THSD7B: variants seen among roughly 807,000 people sequenced by gnomAD.
THSD7B encodes the protein thrombospondin type 1 domain containing 7B.
In THSD7B, 138 loss-of-function variants were observed where a neutral mutation model predicts 213.6. That is an observed-to-expected ratio of 0.65 (90% confidence interval 0.56 to 0.74). The LOEUF (loss-of-function observed/expected upper bound fraction) is 0.74. Among genes scored for constraint, THSD7B ranks in the 30% least tolerant of loss-of-function variants. The pLI is 0.00. For synonymous variants in THSD7B, 742 were observed against 687.0 expected (o/e 1.08, Z -1.25); for missense variants, 1,931 against 1,991.5 (o/e 0.97, Z 0.58).
chr2:137,442,287 C>T (rs1687428787), intron 14 of THSD7B, among the ~76,000 whole-genome samples: 1 of 152,202 alleles, frequency 6.6e-6, no homozygotes, highest in South Asian at 2.1e-4. Context: ...AACTGCTGAT[C>T]TAGCTTAATT....
chr2:137,173,020 T>A (rs1010562938), intron 7 of THSD7B, among the ~76,000 whole-genome samples: 7 of 152,162 alleles, frequency 4.6e-5, no homozygotes, highest in African/African-American at 1.7e-4. Context: ...GAAATTTATT[T>A]AACTAGGAAG....
intron 14 of THSD7B, among the ~76,000 whole-genome samples, chr2:137,447,992 C>G (rs566602185): frequency 6.6e-6 from 1 of 152,028 alleles, no homozygotes. Flanking sequence ...CTGAAGGAGT[C>G]TCATCCATTT....
At chr2:137,563,652 T>G (rs1376211920) in intron 16 of THSD7B, among the ~76,000 whole-genome samples, 1 of 152,138 alleles carries the variant, frequency 6.6e-6, no homozygotes, top group Admixed American at 6.6e-5. Context: ...CCGTTATTCT[T>G]AACAAATTAG....
chr2:137,552,201 CT>C (rs904389420), intron 15 of THSD7B, among the ~76,000 whole-genome samples: 7 of 151,326 alleles, frequency 4.6e-5, no homozygotes, highest in Admixed American at 6.6e-5. Flanking sequence ...GCTTTTGTGG[CT>C]TTTTTTTTCT....
intron 20 of THSD7B, among the ~76,000 whole-genome samples, chr2:137,638,946 G>A (rs1324946093): frequency 6.6e-6 from 1 of 151,820 alleles, no homozygotes; most frequent in South Asian, 2.1e-4. Context: ...CATTTTAGAA[G>A]AGAAACAGAG....
In THSD7B at chr2:136,956,167, G is replaced by A. The variant is rs191406118; in HGVS notation, c.139+73850G>A. On this transcript the variant is annotated intron_variant, in intron 2 of 27. Transcript: ENST00000409968. ...AATTTACCCTGAATTATTAAACTGTGTAAGGAAGCTAACTGCATGAATCCT... is the reference window on the plus strand; with the variant it reads ...AATTTACCCTGAATTATTAAACTGTATAAGGAAGCTAACTGCATGAATCCT... Among the ~76,000 whole-genome samples, 12 of 152,286 alleles carry A rather than the reference G, an allele frequency of 7.9e-5. No individual in the cohort carries two copies. In the East Asian group the frequency reaches 1.2e-3, roughly 15 times the overall value.
chr2:137,606,468 A>G (rs1293047874), intron 17 of THSD7B, among the ~76,000 whole-genome samples: 1 of 152,122 alleles, frequency 6.6e-6, no homozygotes, highest in African/African-American at 2.4e-5. Context: ...AATCCCAAAC[A>G]CATTCTAGAT....
rs925631169 is a variant in THSD7B, at chr2:137,267,209, C to A, written c.2267-5324C>A. On this transcript the variant is annotated intron_variant, in intron 10 of 27. Transcript: ENST00000409968. ...ATAATTAAAAACAAGTTTAATTATA[C>A]CTGATGACTTAGTGATGATAAAATA... 6.6e-5 allele frequency among the ~76,000 whole-genome samples: 10 copies of A among 152,208 alleles called. No individual in the cohort carries two copies. In the East Asian group the frequency reaches 1.5e-3, roughly 24 times the overall value.
intron 20 of THSD7B, among the ~76,000 whole-genome samples, chr2:137,628,831 C>G (rs562584383): frequency 1.1e-4 from 16 of 152,136 alleles, no homozygotes; most frequent in South Asian, 1.0e-3. Flanking sequence ...TCTCCATCAC[C>G]TTGTACTGCC....
chr2:136,773,704 A>G (rs1339432746), intron 1 of THSD7B, among the ~76,000 whole-genome samples: 2 of 152,196 alleles, frequency 1.3e-5, no homozygotes, highest in African/African-American at 4.8e-5. Flanking sequence ...ACATGCCTAG[A>G]ATCTGTACTA....
chr2:137,041,692 A>G (rs892344060), intron 2 of THSD7B, among the ~76,000 whole-genome samples: 3 of 150,814 alleles, frequency 2.0e-5, no homozygotes, highest in African/African-American at 7.3e-5. Flanking sequence ...TTAATATATA[A>G]GCCAATTCTG....
At chr2:137,073,344 T>C (rs1190166244) in intron 3 of THSD7B, among the ~76,000 whole-genome samples, 1 of 152,208 alleles carries the variant, frequency 6.6e-6, no homozygotes, top group South Asian at 2.1e-4. Flanking sequence ...AGGATGTATG[T>C]GTCGAGGAAT....
In THSD7B at chr2:137,405,609, T is replaced by C. The variant is rs1558786309; in HGVS notation, c.2501-4T>C. 6.3e-7 allele frequency: 1 copy of C among 1,581,596 alleles called. No individual in the cohort carries two copies. Among genetic ancestry groups the C allele is most frequent in the Admixed American group, 1.9e-5 (1 of 53,330 alleles). On this transcript the variant is annotated splice_region_variant and splice_polypyrimidine_tract_variant and intron_variant, in intron 12 of 27. Transcript: ENST00000409968. ...ATAACAAAAGAATTCATGCTTTTTT[T>C]CAGCTGTCTCATGCATCTCTGATGA... is the stretch of plus-strand genomic sequence containing the variant.
intron 2 of THSD7B, among the ~76,000 whole-genome samples, chr2:136,937,250 A>G (rs1216911973): frequency 6.6e-6 from 1 of 151,844 alleles, no homozygotes; most frequent in Non-Finnish European, 1.5e-5. Flanking sequence ...GTTCTCTGGT[A>G]CTTTGGTTTC....
chr2:137,588,226 G>C lies in THSD7B; in HGVS notation c.3423+15670G>C, dbSNP rs372297761. Reference sequence around the variant, plus strand: ...AGAGTGACCCGATTTTCCAGGTGCTGTCTGTCACAGATTCCCTTGGCTAGG... The same window carrying C: ...AGAGTGACCCGATTTTCCAGGTGCTCTCTGTCACAGATTCCCTTGGCTAGG... On this transcript the variant is annotated intron_variant, in intron 17 of 27. Coordinates refer to ENST00000409968, the MANE Select transcript of THSD7B (RefSeq NM_001316349.2). Among the ~76,000 whole-genome samples, 20 of 152,282 alleles carry C rather than the reference G, an allele frequency of 1.3e-4. No homozygotes were observed. The South Asian group carries it at 4.1e-3, about 32-fold the overall frequency.
chr2:137,024,912 A>G (rs1200813968), intron 2 of THSD7B, among the ~76,000 whole-genome samples: 2 of 152,142 alleles, frequency 1.3e-5, no homozygotes, highest in Non-Finnish European at 2.9e-5. Context: ...TCACACATCA[A>G]CATCAACACC....
chr2:137,481,737 C>T (rs1004994413), intron 15 of THSD7B, among the ~76,000 whole-genome samples: 2 of 152,194 alleles, frequency 1.3e-5, no homozygotes. Flanking sequence ...CCACATCCCA[C>T]TCCCCAGTAA....
intron 21 of THSD7B, among the ~76,000 whole-genome samples, chr2:137,650,267 T>G (rs2104811869): frequency 6.6e-6 from 1 of 152,348 alleles, no homozygotes; most frequent in African/African-American, 2.4e-5. Flanking sequence ...CTTTAGCGTT[T>G]TATGCTTTTC....
intron 2 of THSD7B, among the ~76,000 whole-genome samples, chr2:136,983,383 A>ACTCTCT (rs879701692): frequency 1.4e-5 from 2 of 147,726 alleles, no homozygotes; most frequent in African/African-American, 5.0e-5. Context: ...ACACACACTC[A>ACTCTCT]CTCTCTCTCT....
Sources: gnomAD v4.1 joint callset for allele counts (sites outside exome capture counted in the v4.1 genomes callset) on GRCh38, gnomAD v4.1.1 for gene constraint, MANE v1.5 for transcripts, NCBI Gene and HGNC (gene_info 2026-07-23, HGNC 2026-07-21) for gene names.